Variants in KLK15 observed in about 807,000 individuals in gnomAD.
KLK15 encodes the protein kallikrein-15.
Under a neutral mutation model 21.1 loss-of-function variants are expected in KLK15, and 19 were observed. That is an observed-to-expected ratio of 0.90 (90% CI 0.63 to 1.32). The LOEUF is 1.32. KLK15 is among the 40% of genes most tolerant of loss of function. The probability of loss-of-function intolerance (pLI) is 0.00; values close to 1 mark genes in which losing one functional copy is unlikely to be tolerated. For missense variants in KLK15, 345 were observed against 348.6 expected (o/e 0.99, Z 0.08); for synonymous variants, 141 against 141.5 (o/e 1.00, Z 0.03).
intron 3 of KLK15, 49 bp downstream of exon 4, chr19:50,826,829 A>C: frequency 6.4e-7 from 1 of 1,563,126 alleles, no homozygotes; most frequent in South Asian, 1.2e-5. Flanking sequence ...AGAGCCCTGG[A>C]GCATAGGATT....
chr19:50,826,813 C>A, intron 3 of KLK15, 56 bp from the exon 5 acceptor site: 1 of 1,577,660 alleles, frequency 6.3e-7, no homozygotes, highest in Non-Finnish European at 8.6e-7. Flanking sequence ...TTGTCCCCTC[C>A]GCCCAAGAGC....
rs762762931 is a variant in KLK15, at chr19:50,827,166, G to A, written c.198-5C>T. 2.2e-5 allele frequency: 34 copies of A among 1,568,686 alleles called. 1 individual carries two copies. The highest frequency in any genetic ancestry group is 1.7e-4 in the Middle Eastern group (1 of 5,752). On this transcript the variant is annotated splice_polypyrimidine_tract_variant and splice_region_variant and intron_variant, in intron 2 of 4. Coordinates refer to ENST00000598239, the Ensembl canonical transcript of KLK15. Reference sequence around the variant, plus strand: ...CCCAGGCGCACTCTCATGAAGCTGTGCGGGCGAGTGGTTTTCCCGCCAGTG... The same window carrying A: ...CCCAGGCGCACTCTCATGAAGCTGTACGGGCGAGTGGTTTTCCCGCCAGTG...
chr19:50,831,667 T>C, upstream of KLK15: 1 of 457,794 alleles, frequency 2.2e-6, no homozygotes, highest in South Asian at 5.7e-5. Context: ...ACTCTGCGCT[T>C]CCTTCTGGGT....
At chr19:50,826,498 C>G in intron 4 of KLK15, 123 bp downstream of exon 5, 2 of 1,207,998 alleles carry the variant, frequency 1.7e-6, no homozygotes, top group Non-Finnish European at 2.3e-6. Context: ...TCTTCCTACT[C>G]CATCTCCAAG....
chr19:50,831,704 C>T (rs1186334026), upstream of KLK15, among the ~76,000 whole-genome samples: 1 of 152,140 alleles, frequency 6.6e-6, no homozygotes, highest in Non-Finnish European at 1.5e-5. Context: ...GTTTACTCTT[C>T]CTCTAGGCAC....
At chr19:50,831,653 C>A (rs1310681076), upstream of KLK15, 2 of 484,724 alleles carry the variant, frequency 4.1e-6, no homozygotes, top group African/African-American at 4.1e-5. Flanking sequence ...CTTCCCCCAA[C>A]CCCACTCTGC....
chr19:50,830,663 A>C (rs1284034912), intron 1 of KLK15: 7 of 175,668 alleles, frequency 4.0e-5, no homozygotes, highest in African/African-American at 1.4e-4. Flanking sequence ...ACGTTAATGA[A>C]AGTCCACCCC....
At chr19:50,827,266 C>T in intron 2 of KLK15, 105 bp from the exon 4 acceptor site, 1 of 1,095,512 alleles carries the variant, frequency 9.1e-7, no homozygotes, top group South Asian at 1.5e-5. Context: ...TCTCCCGACC[C>T]TTTAGAAATC....
intron 1 of KLK15, among the ~76,000 whole-genome samples, chr19:50,828,888 G>C (rs1347942743): frequency 1.4e-5 from 2 of 144,578 alleles, no homozygotes; most frequent in Non-Finnish European, 3.0e-5. Context: ...AAAATCGCTT[G>C]AACCCGGGAG....
intron 1 of KLK15, among the ~76,000 whole-genome samples, chr19:50,828,736 G>A (rs1358174093): frequency 2.0e-5 from 3 of 151,620 alleles, no homozygotes; most frequent in East Asian, 1.9e-4. Context: ...GGGAGGCCGA[G>A]GCGGGTGGAT....
At chr19:50,831,603 C>CT, upstream of KLK15, 1 of 798,532 alleles carries the variant, frequency 1.3e-6, no homozygotes, top group Non-Finnish European at 1.8e-6. Context: ...AGACTTATCC[C>CT]ATCCACTGTT....
intron 1 of KLK15, among the ~76,000 whole-genome samples, chr19:50,829,836 A>C (rs2089951840): frequency 6.6e-6 from 1 of 151,426 alleles, no homozygotes; most frequent in Admixed American, 6.6e-5. Flanking sequence ...CAAACAAACA[A>C]AAAAAAGTCA....
intron 2 of KLK15, 136 bp downstream of exon 3, chr19:50,827,526 C>G: frequency 1.1e-6 from 1 of 887,380 alleles, no homozygotes; most frequent in Non-Finnish European, 1.7e-6. Context: ...TCCTTCCTAA[C>G]CCAGGGGCTT....
chr19:50,827,419 C>G (rs772495481), intron 2 of KLK15, among the ~76,000 whole-genome samples: 4 of 151,680 alleles, frequency 2.6e-5, no homozygotes, highest in Non-Finnish European at 4.4e-5. Flanking sequence ...GGTCTGTCCC[C>G]GAATCCAGGA....
rs767440779 is a variant in KLK15, at chr19:50,827,041, G to A, written c.318C>T (p.Asp106=). 4 of 1,606,424 alleles carry A rather than the reference G, an allele frequency of 2.5e-6. No individual in the cohort carries two copies. In the South Asian group the frequency reaches 3.3e-5, roughly 13 times the overall value. The change falls in exon 3 of 5, where the codon GAC becomes GAT. Residue 106 remains aspartate (D), a synonymous_variant. Transcript: ENST00000598239. The stretch of plus-strand genomic sequence containing the variant: ...GCTGGACTAGGCGCAGCAACATGAT[G>A]TCGTTGCGGTGGCTGCGCGCTTCGT...
rs62113164 is a variant in KLK15 at position 50,826,512 on chromosome 19, A to C, written c.618+109T>G. The C allele has an allele frequency of 0.02, 26,170 of 1,337,242 alleles. 331 individuals carry two copies. The highest frequency in any genetic ancestry group is 0.05 in the Middle Eastern group (231 of 4,576). The allele number at this position is 1,337,242 out of a possible 1,614,324, so 82.8% of individuals were successfully genotyped here. A position where few individuals can be genotyped will look rare whatever the true frequency, so the allele number is the denominator to read the frequency against. ...CTCTTCCTACTCCATCTCCAAGCCTAACCCTAGCATCTTCTCTGGCCCAAA... is the reference window on the plus strand; with the variant it reads ...CTCTTCCTACTCCATCTCCAAGCCTCACCCTAGCATCTTCTCTGGCCCAAA... On this transcript the variant is annotated intron_variant, in intron 4 of 4. Coordinates refer to ENST00000598239, the Ensembl canonical transcript of KLK15.
Position 50,826,620 on chromosome 19 carries a change from C to A in KLK15, c.618+1G>T. 1 of 1,595,038 alleles carries A rather than the reference C, an allele frequency of 6.3e-7. No homozygotes were observed. Among genetic ancestry groups the A allele is most frequent in the Admixed American group, 1.8e-5 (1 of 56,680 alleles). On this transcript the variant is annotated splice_donor_variant, in intron 4 of 4. Coordinates refer to ENST00000598239, the Ensembl canonical transcript of KLK15. LOFTEE classifies it high-confidence loss of function. Reference sequence around the variant, plus strand: ...GCCTGATGGCCCCTCTAGGCTCTGACCTCACAGGATTCTGCGCCTCTGCCC... The same window carrying A: ...GCCTGATGGCCCCTCTAGGCTCTGAACTCACAGGATTCTGCGCCTCTGCCC...
Position 50,827,177 on chromosome 19 carries a change from G to C in KLK15, c.198-16C>G. ...TCTCATGAAGCTGTGCGGGCGAGTGGTTTTCCCGCCAGTGGAGTGCGGGCC... is the reference window on the plus strand; with the variant it reads ...TCTCATGAAGCTGTGCGGGCGAGTGCTTTTCCCGCCAGTGGAGTGCGGGCC... On this transcript the variant is annotated splice_polypyrimidine_tract_variant and intron_variant, in intron 2 of 4. Coordinates refer to ENST00000598239, the Ensembl canonical transcript of KLK15. 6.4e-7 allele frequency: 1 copy of C among 1,551,706 alleles called. No individual in the cohort carries two copies. The highest frequency in any genetic ancestry group is 8.7e-7 in the Non-Finnish European group (1 of 1,153,072).
chr19:50,825,771 G>A lies in KLK15; in HGVS notation c.*25C>T, dbSNP rs780273488. On this transcript the variant is annotated 3_prime_UTR_variant, in exon 5 of 5. Transcript: ENST00000598239. Reference sequence around the variant, plus strand: ...GCTGTGGGGGCTTCTGCTCAGTCAGGGGCACAGGAGATAGGCTAGAATAGT... The same window carrying A: ...GCTGTGGGGGCTTCTGCTCAGTCAGAGGCACAGGAGATAGGCTAGAATAGT... 17 of 1,607,184 alleles carry A rather than the reference G, an allele frequency of 1.1e-5. No homozygotes were observed. The East Asian group carries it at 3.8e-4, about 36-fold the overall frequency.
Sources: gnomAD v4.1 joint callset for allele counts (sites outside exome capture counted in the v4.1 genomes callset) on GRCh38, gnomAD v4.1.1 for gene constraint, MANE v1.5 for transcripts, NCBI Gene and HGNC (gene_info 2026-07-23, HGNC 2026-07-21) for gene names.